ERG: variants seen among roughly 807,000 people sequenced by gnomAD.
ERG encodes ETS transcription factor ERG.
A neutral mutation model predicts 55.3 loss-of-function variants in ERG; 9 were observed. The observed-to-expected ratio is 0.16, with a 90% CI of 0.10 to 0.28. The LOEUF is 0.28. ERG is among the 10% of genes least tolerant of loss of function. The probability of loss-of-function intolerance (pLI) is 1.00; values close to 1 mark genes in which losing one functional copy is unlikely to be tolerated. For missense variants in ERG, 434 were observed against 631.6 expected, an observed-to-expected ratio of 0.69 and a Z score of 3.35; for synonymous variants, 223 against 237.3, an observed-to-expected ratio of 0.94 and a Z score of 0.55.
At chr21:38,439,820 C>T (rs1032954708) in intron 2 of ERG, among the ~76,000 whole-genome samples, 7 of 152,194 alleles carry the variant, frequency 4.6e-5, no homozygotes, top group Non-Finnish European at 7.3e-5. Flanking sequence ...CTTGTAAGCA[C>T]GTTAGGACTG....
intron 1 of ERG, among the ~76,000 whole-genome samples, chr21:38,462,127 C>T (rs918139789): frequency 5.9e-5 from 9 of 151,776 alleles, no homozygotes; most frequent in African/African-American, 2.2e-4. Flanking sequence ...ACTACAGGTA[C>T]CCGCCACCAC....
At chr21:38,564,318 G>A (rs2059909747) in intron 2 of ERG, among the ~76,000 whole-genome samples, 1 of 152,018 alleles carries the variant, frequency 6.6e-6, no homozygotes, top group Non-Finnish European at 1.5e-5. Flanking sequence ...AATTTTCTAA[G>A]TTAAAAGCTA....
chr21:38,616,003 G>A (rs979898833), intron 1 of ERG, among the ~76,000 whole-genome samples: 1 of 152,008 alleles, frequency 6.6e-6, no homozygotes, highest in Admixed American at 6.6e-5. Flanking sequence ...ACGTGTCAAG[G>A]GAGGGACCTG....
chr21:38,401,064 C>T (rs1988465974), intron 5 of ERG, among the ~76,000 whole-genome samples: 1 of 152,138 alleles, frequency 6.6e-6, no homozygotes, highest in Non-Finnish European at 1.5e-5. Context: ...AGTATTTAGC[C>T]TAAGAGTATA....
chr21:38,419,030 G>A (rs951501263), intron 3 of ERG, among the ~76,000 whole-genome samples: 7 of 152,044 alleles, frequency 4.6e-5, no homozygotes, highest in Non-Finnish European at 8.8e-5. Context: ...AACCAGCATG[G>A]GGGATGTCAC....
chr21:38,409,776 G>T (rs1233227611), intron 3 of ERG, among the ~76,000 whole-genome samples: 1 of 152,204 alleles, frequency 6.6e-6, no homozygotes, highest in Non-Finnish European at 1.5e-5. Context: ...TACGAGGATG[G>T]GGATGAAAGC....
At chr21:38,627,002 C>T (rs1374088421) in intron 1 of ERG, among the ~76,000 whole-genome samples, 2 of 151,990 alleles carry the variant, frequency 1.3e-5, no homozygotes, top group African/African-American at 4.8e-5. Context: ...GTGCTAAAAA[C>T]ACTGTAGGTC....
chr21:38,660,915 C>T (rs1312279893), intron 1 of ERG, among the ~76,000 whole-genome samples: 1 of 151,946 alleles, frequency 6.6e-6, no homozygotes, highest in Non-Finnish European at 1.5e-5. Context: ...GCCCTCGGGG[C>T]CAAGAGCGCG....
chr21:38,592,800 G>A lies in ERG; in HGVS notation c.-149-7855C>T, dbSNP rs554968153. Among the ~76,000 whole-genome samples the A allele has an allele frequency of 3.9e-5, 6 of 152,236 alleles. No individual in the cohort carries two copies. In the South Asian group the frequency reaches 1.2e-3, roughly 32 times the overall value. ...TCAAGGGTCTCCATGAATCATGTCT[G>A]AGCCATGTATTGGCCATGACCGCAT... On this transcript the variant is annotated intron_variant, in intron 1 of 10. Coordinates refer to the ERG transcript ENST00000398910.
intron 6 of ERG, among the ~76,000 whole-genome samples, chr21:38,395,911 T>C (rs955686810): frequency 8.5e-5 from 13 of 152,202 alleles, no homozygotes; most frequent in African/African-American, 2.9e-4. Context: ...GCTCTAGCTC[T>C]TGCCCCACAC....
intron 1 of ERG, among the ~76,000 whole-genome samples, chr21:38,654,796 C>T (rs2060509101): frequency 6.6e-6 from 1 of 152,172 alleles, no homozygotes; most frequent in Admixed American, 6.5e-5. Context: ...GTATCTTGAA[C>T]TGCAGAAAAA....
downstream of ERG, among the ~76,000 whole-genome samples, chr21:38,379,245 C>T (rs1465654579): frequency 6.6e-6 from 1 of 152,224 alleles, no homozygotes; most frequent in Non-Finnish European, 1.5e-5. Context: ...TCTGTATCCT[C>T]ATCTGAGTAA....
At chr21:38,502,748 T>C (rs1450472159), upstream of ERG, 1 of 151,764 alleles carries the variant, frequency 6.6e-6, no homozygotes, top group African/African-American at 2.4e-5. Flanking sequence ...TTTTTTTTTT[T>C]TTGAGTCTCA....
At chr21:38,396,323 A>G (rs1468835894) in intron 6 of ERG, among the ~76,000 whole-genome samples, 2 of 152,248 alleles carry the variant, frequency 1.3e-5, no homozygotes, top group Non-Finnish European at 2.9e-5. Context: ...CTGTGGTTAT[A>G]TAAGAACTAA....
rs1202266116 is a variant in ERG, at chr21:38,460,876, G to C, written c.19-15255C>G. ...ATGGTGTCACTTCCTTTCTGCTTAGGAAGGAGACGTTTGGAAAAACTGTTC... is the reference window on the plus strand; with the variant it reads ...ATGGTGTCACTTCCTTTCTGCTTAGCAAGGAGACGTTTGGAAAAACTGTTC... On this transcript the variant is annotated intron_variant, in intron 1 of 9. Transcript: ENST00000288319. The surrounding 1 kb of genome is among the most constrained non-coding windows in gnomAD (Gnocchi z 5.0). 6.6e-6 allele frequency among the ~76,000 whole-genome samples: 1 copy of C among 152,232 alleles called. No individual in the cohort carries two copies. Among genetic ancestry groups the C allele is most frequent in the African/African-American group, 2.4e-5 (1 of 41,452 alleles).
intron 2 of ERG, among the ~76,000 whole-genome samples, chr21:38,508,559 A>G (rs2059487716): frequency 6.6e-6 from 1 of 152,236 alleles, no homozygotes; most frequent in South Asian, 2.1e-4. Context: ...TAGTCCTTGT[A>G]ATTTTCCAAA....
chr21:38,633,882 A>AAAT (rs918626510), intron 1 of ERG, among the ~76,000 whole-genome samples: 31 of 151,680 alleles, frequency 2.0e-4, no homozygotes, highest in African/African-American at 7.5e-4. Flanking sequence ...TGATATGAAA[A>AAAT]AAAAAAAAAT....
chr21:38,508,050 TAA>T, intron 2 of ERG, among the ~76,000 whole-genome samples: 5 of 562 alleles, frequency 8.9e-3, no homozygotes, highest in Non-Finnish European at 0.01. Flanking sequence ...CAGACACATA[TAA>T]ACACACATAT....
intron 1 of ERG, among the ~76,000 whole-genome samples, chr21:38,457,568 T>C (rs963472095): frequency 6.6e-6 from 1 of 152,268 alleles, no homozygotes; most frequent in African/African-American, 2.4e-5. Context: ...CCTCGGTCTT[T>C]AGATTGCCTC....
Sources: gnomAD v4.1 joint callset for allele counts (sites outside exome capture counted in the v4.1 genomes callset) on GRCh38, gnomAD v4.1.1 for gene constraint, Gnocchi (gnomAD v3.1) non-coding constraint, MANE v1.5 for transcripts, NCBI Gene and HGNC (gene_info 2026-07-23, HGNC 2026-07-21) for gene names.